The following RBFOX1 variants were observed in gnomAD, a reference collection of about 807,000 sequenced individuals.
RBFOX1 encodes the protein RNA binding fox-1 homolog 1.
RBFOX1 carries 8 observed loss-of-function variants against 57.7 expected under a neutral mutation model. That is an observed-to-expected ratio of 0.14 (90% confidence interval 0.08 to 0.25). The LOEUF is 0.25. Among genes scored for constraint, RBFOX1 ranks in the 10% least tolerant of loss-of-function variants. RBFOX1 has a pLI of 1.00. For missense variants in RBFOX1, 611 were observed against 548.5 expected (o/e 1.11, Z -1.14); for synonymous variants, 326 against 222.4 (o/e 1.47, Z -4.15).
chr16:7,166,864 C>T lies in RBFOX1; in HGVS notation c.27+114766C>T, dbSNP rs559782160. The stretch of plus-strand genomic sequence containing the variant: ...CAACTCGGGGGTGGTGCAGGATCCA[C>T]GCTGGGGACTGCACAGACACAGCCA... On this transcript the variant is annotated intron_variant, in intron 4 of 15. Transcript: ENST00000550418. Among the ~76,000 whole-genome samples, 67 of 151,704 alleles carry T rather than the reference C, an allele frequency of 4.4e-4. 1 individual carries two copies. Among genetic ancestry groups the T allele is most frequent in the African/African-American group, 1.3e-3 (53 of 41,326 alleles).
chr16:6,138,803 G>A (rs1260973559), intron 1 of RBFOX1, among the ~76,000 whole-genome samples: 4 of 152,170 alleles, frequency 2.6e-5, no homozygotes, highest in Admixed American at 1.3e-4. Context: ...GGACACAGAG[G>A]TTGCAGTGAG....
intron 4 of RBFOX1, among the ~76,000 whole-genome samples, chr16:7,124,625 G>A (rs2068024957): frequency 6.9e-6 from 1 of 145,948 alleles, no homozygotes; most frequent in African/African-American, 2.5e-5. Context: ...TTCACCAATA[G>A]GGCAACACAT....
At chr16:7,706,903 T>C (rs934023266) in intron 14 of RBFOX1, among the ~76,000 whole-genome samples, 1 of 152,048 alleles carries the variant, frequency 6.6e-6, no homozygotes, top group Non-Finnish European at 1.5e-5. Context: ...GAATATATTA[T>C]TATTTTATCA....
chr16:7,524,836 C>G (rs1335429899), intron 5 of RBFOX1, among the ~76,000 whole-genome samples: 1 of 152,164 alleles, frequency 6.6e-6, no homozygotes. Context: ...CATGCCAGTT[C>G]TGATTTTGAA....
intron 2 of RBFOX1, among the ~76,000 whole-genome samples, chr16:5,567,788 G>A (rs1430977928): frequency 6.6e-6 from 1 of 152,106 alleles, no homozygotes; most frequent in Non-Finnish European, 1.5e-5. Flanking sequence ...TACTGATTAG[G>A]TTGATGGGCC....
chr16:7,259,877 T>G (rs1161409489), intron 4 of RBFOX1, among the ~76,000 whole-genome samples: 1 of 152,210 alleles, frequency 6.6e-6, no homozygotes, highest in African/African-American at 2.4e-5. Context: ...AGGTGCTTAA[T>G]ATATTGTAGG....
intron 2 of RBFOX1, among the ~76,000 whole-genome samples, chr16:6,510,378 GTTTCCC>G (rs2096228994): frequency 6.6e-6 from 1 of 152,134 alleles, no homozygotes; most frequent in South Asian, 2.1e-4. Context: ...CCAACTCCCA[GTTTCCC>G]GATGCCGTTC....
chr16:6,945,393 A>G (rs1333450128), intron 3 of RBFOX1, among the ~76,000 whole-genome samples: 1 of 151,090 alleles, frequency 6.6e-6, no homozygotes, highest in Non-Finnish European at 1.5e-5. Context: ...AACCTGTGCC[A>G]TTTCTAGATG....
chr16:6,404,456 T>C (rs1381972519), intron 2 of RBFOX1, among the ~76,000 whole-genome samples: 1 of 152,146 alleles, frequency 6.6e-6, no homozygotes, highest in Admixed American at 6.5e-5. Context: ...ACAAATGCAA[T>C]TTTCCCCTAA....
At chr16:5,311,025 G>C (rs910202662) in intron 1 of RBFOX1, among the ~76,000 whole-genome samples, 5 of 152,106 alleles carry the variant, frequency 3.3e-5, no homozygotes, top group Non-Finnish European at 7.4e-5. Context: ...CATTGTCTGT[G>C]ATACCACTCT....
chr16:7,592,883 C>G lies in RBFOX1; in HGVS notation c.469-2666C>G, dbSNP rs866248067. On this transcript the variant is annotated intron_variant, in intron 7 of 15. Transcript: ENST00000550418. Reference sequence around the variant, plus strand: ...CTGGAGTACAGGGGTACAATCACAGCTCACTGTAGCCTCAACCTCCTGGGC... The same window carrying G: ...CTGGAGTACAGGGGTACAATCACAGGTCACTGTAGCCTCAACCTCCTGGGC... Among the ~76,000 whole-genome samples, 5 of 152,110 alleles carry G rather than the reference C, an allele frequency of 3.3e-5. No homozygotes were observed. In the South Asian group the frequency reaches 1.0e-3, roughly 32 times the overall value.
intron 3 of RBFOX1, among the ~76,000 whole-genome samples, chr16:7,043,963 A>G (rs953439514): frequency 1.6e-4 from 24 of 152,200 alleles, no homozygotes; most frequent in Admixed American, 5.2e-4. Context: ...ACCTTTTTCA[A>G]TTCTCCAAGA....
At chr16:5,330,318 T>C (rs991015984) in intron 1 of RBFOX1, among the ~76,000 whole-genome samples, 4 of 152,210 alleles carry the variant, frequency 2.6e-5, no homozygotes, top group Non-Finnish European at 5.9e-5. Flanking sequence ...TTCTATTTAT[T>C]TCTGGAATTT....
At chr16:5,808,988 G>A (rs1206285317) in intron 3 of RBFOX1, among the ~76,000 whole-genome samples, 1 of 152,162 alleles carries the variant, frequency 6.6e-6, no homozygotes, top group Non-Finnish European at 1.5e-5. Context: ...GGGCATCCCT[G>A]TCTTGTGCCA....
At chr16:6,486,082 C>CTTTTTTTTTTTTTTT (rs71145234) in intron 2 of RBFOX1, among the ~76,000 whole-genome samples, 1 of 62,966 alleles carries the variant, frequency 1.6e-5, no homozygotes, top group Non-Finnish European at 2.7e-5. Context: ...CAGTAAAAGG[C>CTTTTTTTTTTTTTTT]TTTTTTTTTT....
chr16:6,809,744 T>C (rs1407633599), intron 3 of RBFOX1, among the ~76,000 whole-genome samples: 1 of 152,176 alleles, frequency 6.6e-6, no homozygotes, highest in Non-Finnish European at 1.5e-5. Context: ...GACAGAGTTA[T>C]TTATGAGATG....
chr16:6,487,688 A>T (rs1598027825), intron 2 of RBFOX1, among the ~76,000 whole-genome samples: 2 of 30,344 alleles, frequency 6.6e-5, no homozygotes, highest in Non-Finnish European at 1.6e-4. Flanking sequence ...AAAAAAAAAA[A>T]AAAAAAAAAA....
At chr16:7,363,985 A>G (rs1293791577) in intron 4 of RBFOX1, among the ~76,000 whole-genome samples, 1 of 152,116 alleles carries the variant, frequency 6.6e-6, no homozygotes, top group Non-Finnish European at 1.5e-5. Context: ...GAGGGGAAAT[A>G]TTTTTGAACA....
At chr16:6,424,815 A>G (rs1475112897) in intron 2 of RBFOX1, among the ~76,000 whole-genome samples, 2 of 152,152 alleles carry the variant, frequency 1.3e-5, no homozygotes, top group Non-Finnish European at 2.9e-5. Context: ...CCTTAGGTTA[A>G]GGTTCAATGG....
Sources: allele counts gnomAD v4.1 joint callset (sites outside exome capture counted in the v4.1 genomes callset), GRCh38; gene constraint gnomAD v4.1.1; transcripts MANE v1.5; gene names NCBI Gene and HGNC (gene_info 2026-07-23, HGNC 2026-07-21).